Variants in NTNG1 observed in about 807,000 individuals in gnomAD.
NTNG1 encodes the protein netrin-G1.
A neutral mutation model predicts 54.0 loss-of-function variants in NTNG1; 16 were observed. That is an observed-to-expected ratio of 0.30 (90% CI 0.20 to 0.45). The LOEUF (loss-of-function observed/expected upper bound fraction) is 0.45. Among genes scored for constraint, NTNG1 ranks in the 20% least tolerant of loss-of-function variants. The pLI is 1.00. For synonymous variants in NTNG1, 255 were observed against 263.1 expected (o/e 0.97, Z 0.30); for missense variants, 530 against 678.7 (o/e 0.78, Z 2.43).
chr1:107,441,999 T>G (rs114477210), intron 7 of NTNG1, among the ~76,000 whole-genome samples: 312 of 152,228 alleles, frequency 2.0e-3, no homozygotes, highest in African/African-American at 7.2e-3. Flanking sequence ...GAGAGCATAT[T>G]GTAGACCACT....
chr1:107,364,846 C>T (rs1004190305), intron 3 of NTNG1, among the ~76,000 whole-genome samples: 1 of 152,090 alleles, frequency 6.6e-6, no homozygotes, highest in Non-Finnish European at 1.5e-5. Flanking sequence ...AGTCCCAATC[C>T]GTGTCTATCT....
At chr1:107,310,416 T>A (rs1666937014) in intron 2 of NTNG1, among the ~76,000 whole-genome samples, 1 of 152,168 alleles carries the variant, frequency 6.6e-6, no homozygotes, top group Admixed American at 6.6e-5. Context: ...TCTAACATAG[T>A]GCTTGGCACA....
chr1:107,384,581 A>C (rs1671850023), intron 3 of NTNG1, among the ~76,000 whole-genome samples: 1 of 152,208 alleles, frequency 6.6e-6, no homozygotes, highest in Non-Finnish European at 1.5e-5. Context: ...AGTCTATACC[A>C]GTCAGTTTCC....
intron 2 of NTNG1, among the ~76,000 whole-genome samples, chr1:107,227,366 C>G (rs1226707656): frequency 6.6e-6 from 1 of 152,082 alleles, no homozygotes; most frequent in Non-Finnish European, 1.5e-5. Context: ...AGCTCCTCTC[C>G]CTAGGACTCA....
At chr1:107,449,046 C>T (rs1249744297) in intron 7 of NTNG1, among the ~76,000 whole-genome samples, 1 of 151,944 alleles carries the variant, frequency 6.6e-6, no homozygotes, top group Non-Finnish European at 1.5e-5. Context: ...TGTTTGGAAA[C>T]ATATTGAAAG....
chr1:107,257,786 C>G (rs1040230206), intron 2 of NTNG1, among the ~76,000 whole-genome samples: 12 of 152,172 alleles, frequency 7.9e-5, no homozygotes, highest in African/African-American at 2.9e-4. Context: ...TGGCAGAGAG[C>G]AAAATCACAG....
intron 2 of NTNG1, among the ~76,000 whole-genome samples, chr1:107,197,516 T>G (rs1658431060): frequency 6.6e-6 from 1 of 151,986 alleles, no homozygotes; most frequent in African/African-American, 2.4e-5. Context: ...CCATTGAGTG[T>G]TAGATATGGA....
At chr1:107,361,979 C>T (rs1475738253) in intron 3 of NTNG1, among the ~76,000 whole-genome samples, 1 of 152,032 alleles carries the variant, frequency 6.6e-6, no homozygotes, top group Non-Finnish European at 1.5e-5. Flanking sequence ...TTAAATATGG[C>T]AGAGACAACA....
chr1:107,268,130 A>C (rs2101678483), intron 2 of NTNG1, among the ~76,000 whole-genome samples: 1 of 152,332 alleles, frequency 6.6e-6, no homozygotes, highest in Non-Finnish European at 1.5e-5. Flanking sequence ...TCCCATCTTC[A>C]AAAAGAAAAA....
chr1:107,354,115 T>A (rs1183371905), intron 3 of NTNG1, among the ~76,000 whole-genome samples: 2 of 152,162 alleles, frequency 1.3e-5, no homozygotes, highest in African/African-American at 4.8e-5. Context: ...AGATCCAGTT[T>A]ATTTTTTTCT....
chr1:107,224,328 C>T (rs557703004), intron 2 of NTNG1, among the ~76,000 whole-genome samples: 7 of 152,240 alleles, frequency 4.6e-5, no homozygotes, highest in African/African-American at 1.4e-4. Context: ...AGTTTTCTTT[C>T]CTTGAAATGA....
intron 3 of NTNG1, among the ~76,000 whole-genome samples, chr1:107,326,996 T>C (rs1374855747): frequency 1.3e-5 from 2 of 152,152 alleles, no homozygotes; most frequent in Non-Finnish European, 2.9e-5. Flanking sequence ...CCCAGACTAG[T>C]CATTTCCTCC....
Position 107,437,034 on chromosome 1 carries a change from T to C in NTNG1, c.1390+235T>C, listed in dbSNP as rs1189942621. On this transcript the variant is annotated intron_variant, in intron 7 of 7. Transcript: ENST00000370068. ...AGCTGGAGCAACTTATATTGAAATA[T>C]TGTATGGAGATCCATATACCCGTCC... Among the ~76,000 whole-genome samples, 4 of 152,132 alleles carry C rather than the reference T, an allele frequency of 2.6e-5. No homozygotes were observed. In the East Asian group the frequency reaches 7.7e-4, roughly 29 times the overall value.
intron 1 of NTNG1, among the ~76,000 whole-genome samples, chr1:107,142,621 TA>T (rs1288513528): frequency 6.7e-6 from 1 of 149,832 alleles, no homozygotes; most frequent in Admixed American, 6.7e-5. Flanking sequence ...GCTCTAGAAA[TA>T]AGGCCCTGTT....
chr1:107,191,586 G>A (rs1439112380), intron 2 of NTNG1, among the ~76,000 whole-genome samples: 1 of 151,496 alleles, frequency 6.6e-6, no homozygotes, highest in Non-Finnish European at 1.5e-5. Context: ...CTTTAATCCA[G>A]CTTGAATTAA....
At chr1:107,259,761 G>A (rs572322153) in intron 2 of NTNG1, among the ~76,000 whole-genome samples, 25 of 152,284 alleles carry the variant, frequency 1.6e-4, no homozygotes, top group African/African-American at 5.5e-4. Context: ...TATGTGAGAT[G>A]TGTGTGACGC....
chr1:107,464,007 A>G (rs948195031), intron 7 of NTNG1, among the ~76,000 whole-genome samples: 5 of 152,326 alleles, frequency 3.3e-5, no homozygotes, highest in African/African-American at 1.2e-4. Context: ...ATTAAAAGCA[A>G]TTAGTGGCAG....
chr1:107,352,979 CCCAGGAAACCATTTTTT>C (rs752273738), intron 3 of NTNG1, among the ~76,000 whole-genome samples: 75 of 152,300 alleles, frequency 4.9e-4, no homozygotes, highest in Non-Finnish European at 9.6e-4. Context: ...CTGGGCCTGG[CCCAGGAAACCATTTTTT>C]CCTCCTAGGT....
intron 3 of NTNG1, among the ~76,000 whole-genome samples, chr1:107,379,320 A>C (rs569202938): frequency 6.6e-6 from 1 of 152,322 alleles, no homozygotes; most frequent in East Asian, 1.9e-4. Flanking sequence ...GGAATTGTAA[A>C]GACCTATAAG....
Sources: allele counts gnomAD v4.1 joint callset (sites outside exome capture counted in the v4.1 genomes callset), GRCh38; gene constraint gnomAD v4.1.1; transcripts MANE v1.5; gene names NCBI Gene and HGNC (gene_info 2026-07-23, HGNC 2026-07-21).